PLPPR4: variants seen among roughly 807,000 people sequenced by gnomAD.
PLPPR4 encodes phospholipid phosphatase-related protein type 4.
Under a neutral mutation model 56.6 loss-of-function variants are expected in PLPPR4, and 24 were observed. The ratio of observed to expected loss-of-function variants is 0.42; its 90% CI spans 0.31 to 0.60. The LOEUF is 0.60. PLPPR4 is among the 20% of genes least tolerant of loss of function. The pLI, the probability that PLPPR4 is intolerant of heterozygous loss-of-function variation, is 0.13. For missense variants in PLPPR4, 654 were observed against 885.8 expected (o/e 0.74, Z 3.32); for synonymous variants, 326 against 328.1 (o/e 0.99, Z 0.07).
Position 99,287,984 on chromosome 1 carries a change from C to T in PLPPR4, c.98C>T (p.Ser33Leu), listed in dbSNP as rs745812898. 5.6e-6 allele frequency: 9 copies of T among 1,612,980 alleles called. No individual in the cohort carries two copies. The highest frequency in any genetic ancestry group is 1.1e-5 in the South Asian group (1 of 90,934). The change falls in exon 2 of 7, where the codon TCG (serine) becomes TTG (leucine). Residue 33 changes from serine (S) to leucine (L), a missense_variant. Coordinates refer to ENST00000370185, the MANE Select transcript of PLPPR4 (RefSeq NM_014839.5). Reference protein sequence around the residue: ...YFVELPILASSVVSLYFLELT... With the variant: ...YFVELPILASLVVSLYFLELT... ...TCTTAGTTGCCTATATTGGCATCATCGGTGGTTAGCCTCTATTTCCTCGAA... is the reference window on the plus strand; with the variant it reads ...TCTTAGTTGCCTATATTGGCATCATTGGTGGTTAGCCTCTATTTCCTCGAA...
At chr1:99,284,493 TG>T (rs1226744947) in intron 1 of PLPPR4, among the ~76,000 whole-genome samples, 1 of 152,030 alleles carries the variant, frequency 6.6e-6, no homozygotes, top group Non-Finnish European at 1.5e-5. Flanking sequence ...TTCACCATGA[TG>T]GTCTGGCTGG....
chr1:99,278,860 C>T (rs1459950962), intron 1 of PLPPR4, among the ~76,000 whole-genome samples: 1 of 152,122 alleles, frequency 6.6e-6, no homozygotes, highest in African/African-American at 2.4e-5. Context: ...CCCATTCAAC[C>T]TAATACATCT....
chr1:99,264,705 T>TAATGCCTTGGCATAATG, intron 1 of PLPPR4, 34 bp downstream of exon 1: 3 of 1,545,288 alleles, frequency 1.9e-6, no homozygotes. Flanking sequence ...ATAATGCAGA[T>TAATGCCTTGGCATAATG]CCTCTGGGCA....
chr1:99,268,223 G>A (rs1658957575), intron 1 of PLPPR4, among the ~76,000 whole-genome samples: 1 of 152,222 alleles, frequency 6.6e-6, no homozygotes, highest in African/African-American at 2.4e-5. Context: ...AGTTTTCTCT[G>A]GCAACAGATC....
chr1:99,293,844 G>A (rs1026741202), intron 2 of PLPPR4, among the ~76,000 whole-genome samples: 9 of 151,916 alleles, frequency 5.9e-5, no homozygotes, highest in African/African-American at 2.2e-4. Flanking sequence ...CCATGGCTAG[G>A]GTCCTTATAG....
intron 1 of PLPPR4, among the ~76,000 whole-genome samples, chr1:99,270,484 T>A (rs1659029230): frequency 6.6e-6 from 1 of 152,232 alleles, no homozygotes; most frequent in Non-Finnish European, 1.5e-5. Context: ...CCTGGGGAAG[T>A]TCAACAAGCC....
At chr1:99,286,189 G>A (rs1448828837) in intron 1 of PLPPR4, among the ~76,000 whole-genome samples, 1 of 152,120 alleles carries the variant, frequency 6.6e-6, no homozygotes, top group Non-Finnish European at 1.5e-5. Flanking sequence ...ATTGCATGGG[G>A]TATACTTACA....
At chr1:99,266,827 A>G (rs1658911726) in intron 1 of PLPPR4, among the ~76,000 whole-genome samples, 1 of 152,260 alleles carries the variant, frequency 6.6e-6, no homozygotes, top group South Asian at 2.1e-4. Context: ...TATAAAAATT[A>G]TTTAAGGGTT....
rs1188615284 is a variant in PLPPR4, at chr1:99,307,024, C to T, written c.*14C>T. On this transcript the variant is annotated 3_prime_UTR_variant, in exon 7 of 7. Transcript: ENST00000370185. ...TATAAGGATTGAGTGATGTCCATTC[C>T]ATCATTAGGGCTACTCGCAAAAGAC... The T allele has an allele frequency of 1.9e-6, 3 of 1,572,610 alleles. No homozygotes were observed. In the South Asian group the frequency reaches 3.5e-5, roughly 18 times the overall value.
At chr1:99,301,001 C>T (rs1659871717) in intron 5 of PLPPR4, 35 bp downstream of exon 5, 3 of 1,575,558 alleles carry the variant, frequency 1.9e-6, no homozygotes, top group African/African-American at 2.7e-5. Flanking sequence ...AAGTTGTGTT[C>T]TACAGAAAAT....
At chr1:99,276,310 A>G (rs1659183691) in intron 1 of PLPPR4, among the ~76,000 whole-genome samples, 1 of 152,134 alleles carries the variant, frequency 6.6e-6, no homozygotes, top group Non-Finnish European at 1.5e-5. Context: ...CCTTTTCTGG[A>G]TAATTAATAG....
At chr1:99,302,769 GTTT>G (rs1303810008) in intron 6 of PLPPR4, among the ~76,000 whole-genome samples, 1 of 146,998 alleles carries the variant, frequency 6.8e-6, no homozygotes, top group African/African-American at 2.5e-5. Context: ...GCGGTGTTTG[GTTT>G]TTTATCTTTG....
rs1660055621 is a variant in PLPPR4, at chr1:99,307,275, G to A, written c.*265G>A. The A allele has an allele frequency of 2.4e-6, 1 of 422,418 alleles. No individual in the cohort carries two copies. Among genetic ancestry groups the A allele is most frequent in the Non-Finnish European group, 4.2e-6 (1 of 239,416 alleles). The allele number at this position is 422,418 out of a possible 1,614,324, so 26.2% of individuals were successfully genotyped here. On this transcript the variant is annotated 3_prime_UTR_variant, in exon 7 of 7. Transcript: ENST00000370185. ...GTCAAACTTAAAAGGTTTTGCAGAG[G>A]GCAGTATCAAAAGAAAGTGGTTTTC...
intron 1 of PLPPR4, among the ~76,000 whole-genome samples, chr1:99,269,609 C>T (rs1468089413): frequency 6.6e-6 from 1 of 152,050 alleles, no homozygotes; most frequent in Admixed American, 6.6e-5. Flanking sequence ...CCTTTTTAAG[C>T]CTAAAAAAAT....
In PLPPR4 at chr1:99,309,449, AT is replaced by A. The variant is rs1476658177; in HGVS notation, c.*2440del. On this transcript the variant is annotated 3_prime_UTR_variant, in exon 7 of 7. Transcript: ENST00000370185. ...TATATAAAGTACTGTGTTTAAAAAA[AT>A]GTTATGCAATGTTTTCCAAACTGAT... The A allele has an allele frequency of 2.6e-5, 4 of 152,454 alleles. No homozygotes were observed. The highest frequency in any genetic ancestry group is 1.3e-4 in the Admixed American group (2 of 15,256). The allele number at this position is 152,454 out of a possible 1,614,324, so 9.4% of individuals were successfully genotyped here.
intron 1 of PLPPR4, among the ~76,000 whole-genome samples, chr1:99,280,947 G>A (rs1436984639): frequency 6.6e-6 from 1 of 151,996 alleles, no homozygotes; most frequent in African/African-American, 2.4e-5. Flanking sequence ...TTATTAATGG[G>A]GCACCATTAA....
chr1:99,294,568 T>C (rs1358959061), intron 2 of PLPPR4, among the ~76,000 whole-genome samples: 1 of 151,868 alleles, frequency 6.6e-6, no homozygotes. Flanking sequence ...TGGTGGTGCA[T>C]GCCTATATTC....
chr1:99,293,660 C>T (rs1659675395), intron 2 of PLPPR4, among the ~76,000 whole-genome samples: 1 of 152,144 alleles, frequency 6.6e-6, no homozygotes, highest in Non-Finnish European at 1.5e-5. Context: ...ATAGCCTTAG[C>T]TTTAGGAGGC....
intron 1 of PLPPR4, among the ~76,000 whole-genome samples, chr1:99,282,352 A>G (rs1445801410): frequency 6.6e-6 from 1 of 152,206 alleles, no homozygotes; most frequent in Non-Finnish European, 1.5e-5. Context: ...ACTCTAGTAC[A>G]TGCTGTCTCA....
Sources: gnomAD v4.1 joint callset for allele counts (sites outside exome capture counted in the v4.1 genomes callset) on GRCh38, gnomAD v4.1.1 for gene constraint, MANE v1.5 for transcripts, NCBI Gene and HGNC (gene_info 2026-07-23, HGNC 2026-07-21) for gene names.